Variants in UBE2H observed in about 807,000 individuals in gnomAD.
The protein encoded by UBE2H is ubiquitin-conjugating enzyme E2 H.
Under a neutral mutation model 29.0 loss-of-function variants are expected in UBE2H, and 3 were observed. That is an observed-to-expected ratio of 0.10 (90% CI 0.05 to 0.27). UBE2H has a LOEUF of 0.27. UBE2H is among the 10% of genes least tolerant of loss of function. The pLI, the probability that UBE2H is intolerant of heterozygous loss-of-function variation, is 1.00. For missense variants in UBE2H, 68 were observed against 228.2 expected (o/e 0.30, Z 4.52); for synonymous variants, 69 against 82.9 (o/e 0.83, Z 0.91).
At chr7:129,952,472 C>T (rs760356676) in intron 1 of UBE2H, 31 bp downstream of exon 1, 7 of 1,610,274 alleles carry the variant, frequency 4.3e-6, no homozygotes, top group Non-Finnish European at 5.9e-6. Context: ...GCCCCCCACA[C>T]ACAGCCCGAA....
At chr7:129,905,824 G>A (rs780110014) in intron 1 of UBE2H, among the ~76,000 whole-genome samples, 21 of 152,134 alleles carry the variant, frequency 1.4e-4, no homozygotes, top group Non-Finnish European at 2.4e-4. Flanking sequence ...CAGGCACAGC[G>A]GCTCACGCCT....
chr7:129,934,580 A>C (rs1199961913), intron 1 of UBE2H, among the ~76,000 whole-genome samples: 1 of 148,384 alleles, frequency 6.7e-6, no homozygotes, highest in Non-Finnish European at 1.5e-5. Flanking sequence ...AGAGGTTGCA[A>C]TGAGCCAAGA....
chr7:129,950,577 AAT>A (rs1375820856), intron 1 of UBE2H, among the ~76,000 whole-genome samples: 2 of 152,166 alleles, frequency 1.3e-5, no homozygotes, highest in Non-Finnish European at 2.9e-5. Context: ...ATCTTTTAAA[AAT>A]ATGTCTATGT....
At chr7:129,880,378 C>G (rs1361993765) in intron 2 of UBE2H, among the ~76,000 whole-genome samples, 1 of 152,074 alleles carries the variant, frequency 6.6e-6, no homozygotes, top group African/African-American at 2.4e-5. Flanking sequence ...TGGTGGCAGG[C>G]ACCTATAGTC....
intron 6 of UBE2H, among the ~76,000 whole-genome samples, chr7:129,837,228 G>A (rs561544673): frequency 6.6e-6 from 1 of 152,298 alleles, no homozygotes; most frequent in South Asian, 2.1e-4. Context: ...TCCCTGGAGG[G>A]GACTGACTGA....
At chr7:129,842,017 G>C (rs1805437569) in intron 5 of UBE2H, among the ~76,000 whole-genome samples, 1 of 152,210 alleles carries the variant, frequency 6.6e-6, no homozygotes, top group Middle Eastern at 3.4e-3. Context: ...GCCATAAAAT[G>C]GTATGTTTTC....
intron 3 of UBE2H, among the ~76,000 whole-genome samples, chr7:129,872,218 T>C (rs1220581776): frequency 6.6e-6 from 1 of 152,138 alleles, no homozygotes; most frequent in East Asian, 1.9e-4. Flanking sequence ...ATGACTAACC[T>C]GAAACCTCTT....
At chr7:129,842,217 G>T (rs1805441171) in intron 5 of UBE2H, among the ~76,000 whole-genome samples, 1 of 152,212 alleles carries the variant, frequency 6.6e-6, no homozygotes, top group Non-Finnish European at 1.5e-5. Flanking sequence ...GATCACATAA[G>T]GCCAGGAGTT....
chr7:129,836,296 C>T (rs1039836116), intron 6 of UBE2H, among the ~76,000 whole-genome samples: 9 of 152,012 alleles, frequency 5.9e-5, no homozygotes, highest in African/African-American at 9.7e-5. Flanking sequence ...TACTATCAGC[C>T]CTCTTTAATG....
At chr7:129,939,337 C>T (rs1251542768) in intron 1 of UBE2H, among the ~76,000 whole-genome samples, 3 of 152,064 alleles carry the variant, frequency 2.0e-5, no homozygotes, top group South Asian at 2.1e-4. Context: ...CTGCAACCAG[C>T]GAAAGTGAGC....
intron 5 of UBE2H, among the ~76,000 whole-genome samples, chr7:129,854,060 G>GGTTTTTTTTTTTTTTTTTA (rs1554430936): frequency 1.2e-4 from 12 of 100,310 alleles, no homozygotes; most frequent in East Asian, 2.7e-4. Context: ...TTTAGTGTTA[G>GGTTTTTTTTTTTTTTTTTA]TTTTTTTTTT....
chr7:129,878,474 G>C (rs533268557), intron 3 of UBE2H, among the ~76,000 whole-genome samples: 3 of 151,984 alleles, frequency 2.0e-5, no homozygotes, highest in Non-Finnish European at 4.4e-5. Context: ...ACGAGGTCAG[G>C]AGATCAAGAC....
intron 5 of UBE2H, chr7:129,857,117 T>C (rs1483753840): frequency 1.2e-5 from 2 of 162,330 alleles, no homozygotes; most frequent in East Asian, 1.8e-4. Flanking sequence ...TAAAACCTCT[T>C]ACTATATCAT....
chr7:129,903,250 G>C (rs1806752757), intron 1 of UBE2H, among the ~76,000 whole-genome samples: 1 of 152,174 alleles, frequency 6.6e-6, no homozygotes, highest in Non-Finnish European at 1.5e-5. Flanking sequence ...TTCAGATAAG[G>C]ATGTGGCATT....
chr7:129,903,677 C>T (rs1806761440), intron 1 of UBE2H, among the ~76,000 whole-genome samples: 6 of 152,192 alleles, frequency 3.9e-5, no homozygotes, highest in Admixed American at 3.9e-4. Context: ...GGCAGGAGGA[C>T]TGCTTGAGCC....
chr7:129,852,012 A>C (rs546938916), intron 5 of UBE2H, among the ~76,000 whole-genome samples: 105 of 152,322 alleles, frequency 6.9e-4, no homozygotes, highest in African/African-American at 2.4e-3. Flanking sequence ...TCTACAAATA[A>C]TGACATCCAG....
At chr7:129,945,327 T>A (rs1023632664) in intron 1 of UBE2H, among the ~76,000 whole-genome samples, 7 of 151,826 alleles carry the variant, frequency 4.6e-5, no homozygotes, top group African/African-American at 1.7e-4. Flanking sequence ...TCCTGTTAGA[T>A]CTATCTGCTC....
chr7:129,901,977 C>T (rs552448236), intron 1 of UBE2H, among the ~76,000 whole-genome samples: 6 of 152,232 alleles, frequency 3.9e-5, no homozygotes, highest in Admixed American at 1.3e-4. Flanking sequence ...GAGAGAAGAA[C>T]AATGTGGAGT....
At chr7:129,945,153 G>A (rs1268496323) in intron 1 of UBE2H, among the ~76,000 whole-genome samples, 1 of 152,148 alleles carries the variant, frequency 6.6e-6, no homozygotes, top group Non-Finnish European at 1.5e-5. Flanking sequence ...GAAACTTTGG[G>A]GGAAGATAAA....
Sources: gnomAD v4.1 joint callset for allele counts (sites outside exome capture counted in the v4.1 genomes callset) on GRCh38, gnomAD v4.1.1 for gene constraint, MANE v1.5 for transcripts, NCBI Gene and HGNC (gene_info 2026-07-23, HGNC 2026-07-21) for gene names.